Variants in CX3CR1 observed in about 807,000 individuals in gnomAD.
CX3CR1 encodes CX3C chemokine receptor 1.
For missense variants in CX3CR1, 363 were observed against 432.4 expected, an observed-to-expected ratio of 0.84 and a Z score of 1.42; for synonymous variants, 168 against 178.5, an observed-to-expected ratio of 0.94 and a Z score of 0.47.
Position 39,264,367 on chromosome 3 carries a change from G to A in CX3CR1, c.*1075C>T, listed in dbSNP as rs1430955346. On this transcript the variant is annotated 3_prime_UTR_variant, in exon 2 of 2. Transcript: ENST00000399220. ...GGAAAGGATGATCTCTATGTGAAAGGTACCTTATCCCTCTTCTACAGACCA... is the reference window on the plus strand; with the variant it reads ...GGAAAGGATGATCTCTATGTGAAAGATACCTTATCCCTCTTCTACAGACCA... 2.6e-5 allele frequency: 4 copies of A among 152,272 alleles called. No homozygotes were observed. The highest frequency in any genetic ancestry group is 9.6e-5 in the African/African-American group (4 of 41,464). 9.4% of individuals were successfully genotyped at this position (152,272 alleles called of 1,614,324 possible).
chr3:39,272,255 T>G (rs568632173), intron 1 of CX3CR1, among the ~76,000 whole-genome samples: 22 of 152,332 alleles, frequency 1.4e-4, no homozygotes, highest in Non-Finnish European at 3.2e-4. Flanking sequence ...TACCCACTAT[T>G]CAGTTAAGCC....
chr3:39,283,819 A>T (rs2040926693), upstream of CX3CR1, among the ~76,000 whole-genome samples: 1 of 70,682 alleles, frequency 1.4e-5, no homozygotes, highest in African/African-American at 6.4e-5. Context: ...ATATATATAT[A>T]TATATATATA....
Position 39,265,899 on chromosome 3 carries a change from A to C in CX3CR1, c.611T>G (p.Leu204Arg). The C allele has an allele frequency of 6.2e-7, 1 of 1,614,228 alleles. No individual in the cohort carries two copies. The change falls in exon 2 of 2, where the codon CTG becomes CGG. Residue 204 changes from leucine (L) to arginine (R), a missense_variant. By Grantham distance (102) the Leu-to-Arg change is moderately radical. Coordinates refer to ENST00000399220, the MANE Select transcript of CX3CR1 (RefSeq NM_001337.4). Reference protein sequence around the residue: ...ETNFLGFLLPLLIMSYCYFRI... With the variant: ...ETNFLGFLLPRLIMSYCYFRI... The stretch of plus-strand genomic sequence containing the variant: ...GAAGTAGCAATAACTCATAATGAGC[A>C]GGGGGAGTAGGAAGCCAAGAAAATT...
At chr3:39,274,766 T>C (rs1347854634) in intron 1 of CX3CR1, among the ~76,000 whole-genome samples, 1 of 152,200 alleles carries the variant, frequency 6.6e-6, no homozygotes, top group East Asian at 1.9e-4. Context: ...CTAGTCTAAG[T>C]AGAAATTAAA....
At chr3:39,280,632 A>G (rs1237422686), upstream of CX3CR1, among the ~76,000 whole-genome samples, 1 of 152,042 alleles carries the variant, frequency 6.6e-6, no homozygotes, top group Non-Finnish European at 1.5e-5. Flanking sequence ...TTTTTTCCTC[A>G]CCTCTCTGCC....
At chr3:39,283,054 G>C (rs915893708), upstream of CX3CR1, among the ~76,000 whole-genome samples, 15 of 152,102 alleles carry the variant, frequency 9.9e-5, no homozygotes, top group Non-Finnish European at 2.2e-4. Context: ...ACCACACCCA[G>C]CTAATTTTTG....
At chr3:39,292,140 C>G in the CX3CR1 span, among the ~76,000 whole-genome samples, 1 of 152,248 alleles carries the variant, frequency 6.6e-6, no homozygotes, top group Admixed American at 6.5e-5. Context: ...GAGCACCTGC[C>G]TTGGGTCAGG....
At chr3:39,269,567 T>C (rs1028812310) in intron 1 of CX3CR1, among the ~76,000 whole-genome samples, 1 of 152,230 alleles carries the variant, frequency 6.6e-6, no homozygotes, top group African/African-American at 2.4e-5. Flanking sequence ...ATTCAGATAA[T>C]GCTCTGGGCA....
At chr3:39,275,371 A>C (rs950004393) in intron 1 of CX3CR1, among the ~76,000 whole-genome samples, 12 of 152,328 alleles carry the variant, frequency 7.9e-5, no homozygotes, top group Non-Finnish European at 1.8e-4. Context: ...AGCCTTGCTC[A>C]GTGCTGCAAA....
chr3:39,275,109 G>GC (rs1422599410), intron 1 of CX3CR1, among the ~76,000 whole-genome samples: 1 of 152,106 alleles, frequency 6.6e-6, no homozygotes, highest in Non-Finnish European at 1.5e-5. Flanking sequence ...TGATCCACCC[G>GC]CCTCAGCCTC....
intron 1 of CX3CR1, among the ~76,000 whole-genome samples, chr3:39,271,782 C>T (rs1289665157): frequency 6.6e-6 from 1 of 152,212 alleles, no homozygotes; most frequent in Admixed American, 6.5e-5. Flanking sequence ...CTGTGTCCTT[C>T]GCAGAAGTAT....
In CX3CR1 at chr3:39,264,656, G is replaced by A. The variant is rs142231266; in HGVS notation, c.*786C>T. On this transcript the variant is annotated 3_prime_UTR_variant, in exon 2 of 2. Transcript: ENST00000399220. ...TTTGACTCGATGCAGTAGGCAGTGG[G>A]GAGCCCTTGCAGGTTTGGGGACATG... The A allele has an allele frequency of 9.8e-3, 1,493 of 152,504 alleles. 24 individuals carry two copies. Among genetic ancestry groups the A allele is most frequent in the African/African-American group, 0.033 (1,371 of 41,562 alleles). The allele number at this position is 152,504 out of a possible 1,614,324, so 9.4% of individuals were successfully genotyped here.
the CX3CR1 span, chr3:39,287,700 T>C: frequency 6.6e-6 from 1 of 152,270 alleles, no homozygotes; most frequent in African/African-American, 2.4e-5. Context: ...AAAAGTGTTT[T>C]AGATCAATGA....
At chr3:39,266,651 C>T (rs1422691048) in intron 1 of CX3CR1, 133 bp from the exon 2 acceptor site, 3 of 866,166 alleles carry the variant, frequency 3.5e-6, no homozygotes, top group Non-Finnish European at 5.9e-6. Context: ...TCCCAACTTC[C>T]CACTTGCCAT....
chr3:39,267,367 A>G (rs555319958), intron 1 of CX3CR1, among the ~76,000 whole-genome samples: 24 of 152,194 alleles, frequency 1.6e-4, no homozygotes, highest in African/African-American at 5.3e-4. Context: ...GAAGCCTCAG[A>G]CCCAGAGCCT....
At position 39,266,022 on chromosome 3, in the gene CX3CR1, GGTGCTGCCACCAAAA is replaced by G; in HGVS notation, c.473_487del (p.Ile158_Pro163delinsThr). ...TTTCTGCTTTGTGAACATGAACTGG[GGTGCTGCCACCAAAA>G]TGGCTGCTGCCCAGACGCCTAGGCT... On this transcript the variant is annotated inframe_deletion, in exon 2 of 2. Coordinates refer to ENST00000399220, the MANE Select transcript of CX3CR1 (RefSeq NM_001337.4). 6.2e-7 allele frequency: 1 copy of G among 1,614,148 alleles called. No individual in the cohort carries two copies. The highest frequency in any genetic ancestry group is 8.5e-7 in the Non-Finnish European group (1 of 1,180,032).
chr3:39,276,342 C>T (rs141750144), intron 1 of CX3CR1, among the ~76,000 whole-genome samples: 1 of 152,356 alleles, frequency 6.6e-6, no homozygotes, highest in East Asian at 1.9e-4. Context: ...CTGGCATACT[C>T]TTTGGGGCTA....
chr3:39,284,629 G>C (rs1170241572), upstream of CX3CR1, among the ~76,000 whole-genome samples: 2 of 152,238 alleles, frequency 1.3e-5, no homozygotes, highest in African/African-American at 4.8e-5. Context: ...GTACATCAAG[G>C]ACTTCTCCAT....
upstream of CX3CR1, chr3:39,281,623 T>G: frequency 1.3e-6 from 2 of 1,599,258 alleles, no homozygotes; most frequent in Non-Finnish European, 1.7e-6. Context: ...CTGGCCATTC[T>G]CCACCCAGAA....
Sources: gnomAD v4.1 joint callset for allele counts (sites outside exome capture counted in the v4.1 genomes callset) on GRCh38, gnomAD v4.1.1 for gene constraint, MANE v1.5 for transcripts, NCBI Gene and HGNC (gene_info 2026-07-23, HGNC 2026-07-21) for gene names.